The following C2CD5 variants were observed in gnomAD, a reference collection of about 807,000 sequenced individuals.
C2CD5 encodes C2 calcium dependent domain containing 5, also known as C2 domain-containing protein 5.
Under a neutral mutation model 130.3 loss-of-function variants are expected in C2CD5, and 109 were observed. That is an observed-to-expected ratio of 0.84 (90% confidence interval 0.72 to 0.98). The LOEUF (loss-of-function observed/expected upper bound fraction) is 0.98, where lower values mean the gene tolerates loss of function less well. Ranked by LOEUF, C2CD5 falls within the 50% of genes least tolerant of loss-of-function variation. The pLI is 0.00. For missense variants in C2CD5, 996 were observed against 1,261.8 expected (o/e 0.79, Z 3.19); for synonymous variants, 454 against 429.2 (o/e 1.06, Z -0.71).
intron 15 of C2CD5, chr12:22,477,464 T>C (rs1944006769): frequency 1.3e-5 from 2 of 152,288 alleles, no homozygotes; most frequent in African/African-American, 2.4e-5. Context: ...CAGCCAAAAT[T>C]AGATAAGACG....
At chr12:22,502,295 T>C (rs1040995219) in intron 10 of C2CD5, among the ~76,000 whole-genome samples, 4 of 152,110 alleles carry the variant, frequency 2.6e-5, no homozygotes, top group African/African-American at 7.2e-5. Flanking sequence ...GTTACACTTT[T>C]ACAGTAGCCT....
intron 12 of C2CD5, among the ~76,000 whole-genome samples, chr12:22,486,989 A>C (rs1336190651): frequency 6.6e-6 from 1 of 152,154 alleles, no homozygotes; most frequent in African/African-American, 2.4e-5. Flanking sequence ...TGCTGGGAAA[A>C]CCGGCTAGCC....
chr12:22,487,510 C>T (rs1945701000), intron 12 of C2CD5, among the ~76,000 whole-genome samples: 1 of 152,086 alleles, frequency 6.6e-6, no homozygotes, highest in Non-Finnish European at 1.5e-5. Context: ...AGATACCATA[C>T]CACACCAGTT....
intron 2 of C2CD5, among the ~76,000 whole-genome samples, chr12:22,537,858 G>A (rs1355773079): frequency 3.3e-5 from 5 of 152,098 alleles, no homozygotes; most frequent in Non-Finnish European, 7.4e-5. Flanking sequence ...CAAACAATTG[G>A]TAACACACAT....
intron 20 of C2CD5, 24 bp from the exon 21 acceptor site, chr12:22,470,935 G>A (rs758475992): frequency 1.3e-6 from 2 of 1,534,404 alleles, no homozygotes; most frequent in African/African-American, 2.7e-5. Flanking sequence ...AACAATAATG[G>A]TTAGCAAAAT....
At chr12:22,462,306 C>T (rs1195073732) in intron 22 of C2CD5, among the ~76,000 whole-genome samples, 1 of 152,154 alleles carries the variant, frequency 6.6e-6, no homozygotes, top group East Asian at 1.9e-4. Context: ...ATGTCAAGAT[C>T]CCCCTTCTAG....
chr12:22,534,143 G>A (rs1200315315), intron 3 of C2CD5, among the ~76,000 whole-genome samples: 1 of 152,070 alleles, frequency 6.6e-6, no homozygotes, highest in Non-Finnish European at 1.5e-5. Context: ...AGCCAAGATC[G>A]CACCATTGCA....
At chr12:22,544,039 AG>A in intron 2 of C2CD5, 21 bp downstream of exon 2, 1 of 1,571,436 alleles carries the variant, frequency 6.4e-7, no homozygotes, top group African/African-American at 1.4e-5. Flanking sequence ...CTGTGTTTTG[AG>A]GGGCAGGACC....
intron 2 of C2CD5, among the ~76,000 whole-genome samples, chr12:22,542,714 A>C (rs557764791): frequency 1.3e-5 from 2 of 152,350 alleles, no homozygotes; most frequent in South Asian, 4.1e-4. Flanking sequence ...TTAAGAGAAC[A>C]AACTGTCAGG....
chr12:22,498,367 C>T (rs765690530), intron 10 of C2CD5, among the ~76,000 whole-genome samples: 7 of 152,038 alleles, frequency 4.6e-5, no homozygotes, highest in Admixed American at 3.9e-4. Context: ...TGAATAAAAA[C>T]GTGACTGAAT....
chr12:22,519,505 G>A (rs1351228582), intron 7 of C2CD5, among the ~76,000 whole-genome samples: 6 of 151,964 alleles, frequency 3.9e-5, no homozygotes, highest in Non-Finnish European at 8.8e-5. Context: ...AATAGTCAAT[G>A]AAATTAAATG....
chr12:22,527,405 G>A (rs1329107515), intron 4 of C2CD5, among the ~76,000 whole-genome samples: 9 of 143,330 alleles, frequency 6.3e-5, no homozygotes, highest in East Asian at 2.1e-4. Context: ...CACAACCTCC[G>A]CCTCCCGGGT....
intron 25 of C2CD5, among the ~76,000 whole-genome samples, chr12:22,454,771 C>A (rs1026791818): frequency 6.6e-6 from 1 of 152,100 alleles, no homozygotes; most frequent in East Asian, 1.9e-4. Context: ...TAATGTCCAC[C>A]GTGCTCCAGT....
intron 3 of C2CD5, among the ~76,000 whole-genome samples, chr12:22,534,089 G>A (rs1432348808): frequency 6.6e-6 from 1 of 152,218 alleles, no homozygotes; most frequent in Non-Finnish European, 1.5e-5. Flanking sequence ...TAGGGAGGCT[G>A]AGGCAGGAGA....
intron 12 of C2CD5, among the ~76,000 whole-genome samples, chr12:22,489,428 A>G (rs181680770): frequency 1.9e-4 from 29 of 152,208 alleles, no homozygotes; most frequent in Admixed American, 1.3e-3. Flanking sequence ...AAATCCCACA[A>G]AATTCCAAAA....
chr12:22,543,606 CTGTG>C (rs149182303), intron 2 of C2CD5, among the ~76,000 whole-genome samples: 4 of 151,684 alleles, frequency 2.6e-5, no homozygotes, highest in Admixed American at 1.3e-4. Context: ...GTGTGTGTGC[CTGTG>C]TGTGTGTGTG....
chr12:22,504,354 T>C (rs1565745392), intron 10 of C2CD5, among the ~76,000 whole-genome samples: 2 of 150,054 alleles, frequency 1.3e-5, no homozygotes, highest in African/African-American at 4.9e-5. Context: ...CAGGCTGGAG[T>C]GCAGTGGCAC....
Position 22,484,757 on chromosome 12 carries a change from G to T in C2CD5, c.1490C>A (p.Thr497Lys). ...RKQKVPDVLF[T>K]TIDLPTDATV... ...TGCATCTGTTGGGAGGTCTATAGTT[G>T]TAAACAGAACATCAGGAACTTTTTG... The change falls in exon 13 of 27, where the codon ACA (threonine) becomes AAA (lysine). Residue 497 changes from threonine (T) to lysine (K), a missense_variant. Around this residue, in one of 9 missense-constraint regions of C2CD5, gnomAD observed 590 missense variants for 631.4 expected, o/e 0.93. Transcript: ENST00000446597. 1 of 1,609,644 alleles carries T rather than the reference G, an allele frequency of 6.2e-7. No homozygotes were observed. Among genetic ancestry groups the T allele is most frequent in the Non-Finnish European group, 8.5e-7 (1 of 1,177,816 alleles).
chr12:22,532,668 C>T (rs988605351), intron 3 of C2CD5, among the ~76,000 whole-genome samples: 3 of 152,204 alleles, frequency 2.0e-5, no homozygotes, highest in African/African-American at 4.8e-5. Context: ...GCCTAAAAAT[C>T]GTAGTGTCAT....
Sources: allele counts gnomAD v4.1 joint callset (sites outside exome capture counted in the v4.1 genomes callset), GRCh38; gene constraint gnomAD v4.1.1; regional missense constraint gnomAD v4.1.1; transcripts MANE v1.5; gene names NCBI Gene and HGNC (gene_info 2026-07-23, HGNC 2026-07-21).